MAP2K5: variants seen among roughly 807,000 people sequenced by gnomAD.
MAP2K5 encodes the protein mitogen-activated protein kinase kinase 5.
A neutral mutation model predicts 83.1 loss-of-function variants in MAP2K5; 49 were observed. The observed-to-expected ratio is 0.59, with a 90% CI of 0.47 to 0.75. The LOEUF is 0.75. Among genes scored for constraint, MAP2K5 ranks in the 30% least tolerant of loss-of-function variants. MAP2K5 has a pLI of 0.00. For missense variants in MAP2K5, 457 were observed against 557.5 expected (o/e 0.82, Z 1.82); for synonymous variants, 202 against 191.8 (o/e 1.05, Z -0.44).
chr15:67,608,051 C>T (rs959693166), intron 8 of MAP2K5, among the ~76,000 whole-genome samples: 1 of 152,102 alleles, frequency 6.6e-6, no homozygotes, highest in African/African-American at 2.4e-5. Context: ...ATTTTAGTAA[C>T]AATTTTTTAT....
rs188549132 is a variant in MAP2K5, at chr15:67,775,314, C to T, written c.1242+2562C>T. On this transcript the variant is annotated intron_variant, in intron 21 of 21. Coordinates refer to ENST00000178640, the MANE Select transcript of MAP2K5 (RefSeq NM_145160.3). The surrounding 1 kb of genome is among the most constrained non-coding windows in gnomAD (Gnocchi z 5.3). The stretch of plus-strand genomic sequence containing the variant: ...GTATGGTTGTTCTTATGATGGTTTT[C>T]GGTCTTTATATCCTAAGTGGAAGTA... 3.3e-5 allele frequency among the ~76,000 whole-genome samples: 5 copies of T among 152,272 alleles called. No homozygotes were observed. Among genetic ancestry groups the T allele is most frequent in the East Asian group, 1.9e-4 (1 of 5,192 alleles).
In MAP2K5 at chr15:67,752,784, A is replaced by G. The variant is rs187489414; in HGVS notation, c.1134+4183A>G. 3.2e-3 allele frequency among the ~76,000 whole-genome samples: 482 copies of G among 152,290 alleles called. 2 individuals carry two copies. Among genetic ancestry groups the G allele is most frequent in the African/African-American group, 0.011 (459 of 41,562 alleles). The stretch of plus-strand genomic sequence containing the variant: ...GGAAATACTCTCAAAATTGATCTAC[A>G]GATTCAATGTAATCATGTTAAAATC... On this transcript the variant is annotated intron_variant, in intron 19 of 21. Coordinates refer to ENST00000178640, the MANE Select transcript of MAP2K5 (RefSeq NM_145160.3).
rs552138001 is a variant in MAP2K5 at position 67,607,937 on chromosome 15, G to A, written c.545+7188G>A. 1.1e-3 allele frequency among the ~76,000 whole-genome samples: 164 copies of A among 152,238 alleles called. 1 individual carries two copies. Among genetic ancestry groups the A allele is most frequent in the Admixed American group, 1.8e-3 (27 of 15,284 alleles). ...AATTGAGTCTGGTAAAAATCAATAC[G>A]TTATGGTAATATTTCAAGTAAGAAT... On this transcript the variant is annotated intron_variant, in intron 8 of 21. Coordinates refer to ENST00000178640, the MANE Select transcript of MAP2K5 (RefSeq NM_145160.3).
intron 8 of MAP2K5, among the ~76,000 whole-genome samples, chr15:67,619,852 G>C (rs1159711609): frequency 6.6e-6 from 1 of 151,680 alleles, no homozygotes; most frequent in East Asian, 2.0e-4. Flanking sequence ...GATCATTTGA[G>C]GCCAGGAGTT....
chr15:67,742,398 G>A (rs2089514876), intron 17 of MAP2K5, among the ~76,000 whole-genome samples: 1 of 152,214 alleles, frequency 6.6e-6, no homozygotes, highest in African/African-American at 2.4e-5. Context: ...TGAAAGCTCC[G>A]GAAAAACCCT....
rs1409685420 is a variant in MAP2K5, at chr15:67,719,041, C to T, written c.1045-8875C>T. The stretch of plus-strand genomic sequence containing the variant: ...TTTTTGTACCCATTAATCATCCCCA[C>T]TCTTCTCCTTGCCAACTACCCTTCC... On this transcript the variant is annotated intron_variant, in intron 16 of 21. Coordinates refer to ENST00000178640, the MANE Select transcript of MAP2K5 (RefSeq NM_145160.3). This position sits in a 1 kb window ranked among gnomAD's most constrained non-coding sequence, Gnocchi z 4.6. Among the ~76,000 whole-genome samples, 1 of 152,168 alleles carries T rather than the reference C, an allele frequency of 6.6e-6. No individual in the cohort carries two copies. The highest frequency in any genetic ancestry group is 6.6e-5 in the Admixed American group (1 of 15,264).
intron 16 of MAP2K5, among the ~76,000 whole-genome samples, chr15:67,716,042 A>G (rs972071034): frequency 2.0e-5 from 3 of 152,190 alleles, no homozygotes; most frequent in Non-Finnish European, 4.4e-5. Context: ...CTCAGCAAAT[A>G]TTTTTTTGAG....
chr15:67,787,910 A>C (rs1012110808), intron 21 of MAP2K5, among the ~76,000 whole-genome samples: 1 of 152,242 alleles, frequency 6.6e-6, no homozygotes, highest in Non-Finnish European at 1.5e-5. Flanking sequence ...GGACAAATAA[A>C]ATCTAGCATT....
rs186794463 is a variant in MAP2K5, at chr15:67,802,537, A to G, written c.1243-4109A>G. 5.3e-4 allele frequency among the ~76,000 whole-genome samples: 80 copies of G among 152,312 alleles called. 2 individuals are homozygous for G. The highest frequency in any genetic ancestry group is 1.1e-3 in the Admixed American group (17 of 15,300). The stretch of plus-strand genomic sequence containing the variant: ...AACCCTCGTCAGTTTAATTGTTGCA[A>G]TTGGCCCTCAGAGAATCCAGGGAAT... On this transcript the variant is annotated intron_variant, in intron 21 of 21. Coordinates refer to ENST00000178640, the MANE Select transcript of MAP2K5 (RefSeq NM_145160.3). This position sits in a 1 kb window ranked among gnomAD's most constrained non-coding sequence, Gnocchi z 5.0.
rs201661333 is a variant in MAP2K5 at position 67,572,706 on chromosome 15, AT to A, written c.253-8037del. ...TGCAAGAATTGATATTATTATTATT[AT>A]TTTTTTTTTTGAGATGGAGTCTTGC... On this transcript the variant is annotated intron_variant, in intron 3 of 21. Transcript: ENST00000178640. The surrounding 1 kb of genome is among the most constrained non-coding windows in gnomAD (Gnocchi z 4.2). 0.14 allele frequency among the ~76,000 whole-genome samples: 18,228 copies of A among 128,464 alleles called. 1,199 individuals are homozygous for A. Among genetic ancestry groups the A allele is most frequent in the East Asian group, 0.3 (1,024 of 3,452 alleles). 84.3% of individuals were successfully genotyped at this position (128,464 alleles called of 152,430 possible).
chr15:67,563,394 T>G lies in MAP2K5; in HGVS notation c.252+44T>G. The stretch of plus-strand genomic sequence containing the variant: ...AAGACTATTTTTTAAAATCTTAACG[T>G]GATTGAGGATGCTGTTTCTTGGGCA... On this transcript the variant is annotated intron_variant, in intron 3 of 21. Transcript: ENST00000178640. This position sits in a 1 kb window ranked among gnomAD's most constrained non-coding sequence, Gnocchi z 4.5. The G allele has an allele frequency of 6.3e-7, 1 of 1,578,312 alleles. No homozygotes were observed. Among genetic ancestry groups the G allele is most frequent in the East Asian group, 2.3e-5 (1 of 44,050 alleles).
At chr15:67,721,189 TAAG>T (rs1165010730) in intron 16 of MAP2K5, among the ~76,000 whole-genome samples, 1 of 152,174 alleles carries the variant, frequency 6.6e-6, no homozygotes, top group African/African-American at 2.4e-5. Flanking sequence ...GCAGGTTTGT[TAAG>T]AAGTATTTAT....
intron 12 of MAP2K5, among the ~76,000 whole-genome samples, chr15:67,660,829 C>T (rs928759904): frequency 2.0e-5 from 3 of 150,838 alleles, no homozygotes; most frequent in Non-Finnish European, 4.4e-5. Context: ...CTGTCTGACA[C>T]CAGACCTCTT....
chr15:67,725,099 C>T (rs1360273221), intron 16 of MAP2K5, among the ~76,000 whole-genome samples: 2 of 152,180 alleles, frequency 1.3e-5, no homozygotes, highest in Non-Finnish European at 2.9e-5. Flanking sequence ...ATGATGAGTT[C>T]ACCAGTTCAA....
rs554291493 is a variant in MAP2K5, at chr15:67,676,622, C to G, written c.847+11977C>G. Among the ~76,000 whole-genome samples, 37 of 152,272 alleles carry G rather than the reference C, an allele frequency of 2.4e-4. No individual in the cohort carries two copies. The highest frequency in any genetic ancestry group is 4.9e-4 in the Non-Finnish European group (33 of 68,008). On this transcript the variant is annotated intron_variant, in intron 13 of 21. Transcript: ENST00000178640. The surrounding 1 kb of genome is among the most constrained non-coding windows in gnomAD (Gnocchi z 4.8). ...CAATCATAATGATAACAATATTAAT[C>G]ATTTTCCTAATATCATTTATTGAGT...
At chr15:67,730,336 T>C (rs2051335680) in intron 17 of MAP2K5, among the ~76,000 whole-genome samples, 1 of 152,224 alleles carries the variant, frequency 6.6e-6, no homozygotes, top group African/African-American at 2.4e-5. Flanking sequence ...TTTGAACTCC[T>C]ACCACTCTGT....
chr15:67,638,734 G>A lies in MAP2K5; in HGVS notation c.586-7497G>A, dbSNP rs1024720490. 6.6e-6 allele frequency among the ~76,000 whole-genome samples: 1 copy of A among 152,160 alleles called. No homozygotes were observed. Among genetic ancestry groups the A allele is most frequent in the Admixed American group, 6.5e-5 (1 of 15,268 alleles). The stretch of plus-strand genomic sequence containing the variant: ...TTTCTCCACAACCTTGCCAGCATCT[G>A]TTATTTTTTGACTTTTTAGTAATAG... On this transcript the variant is annotated intron_variant, in intron 9 of 21. Coordinates refer to ENST00000178640, the MANE Select transcript of MAP2K5 (RefSeq NM_145160.3). This position sits in a 1 kb window ranked among gnomAD's most constrained non-coding sequence, Gnocchi z 4.5.
At chr15:67,766,800 A>G (rs2090049871) in intron 19 of MAP2K5, among the ~76,000 whole-genome samples, 1 of 152,236 alleles carries the variant, frequency 6.6e-6, no homozygotes, top group Non-Finnish European at 1.5e-5. Context: ...GAGTGTTAAC[A>G]GCTTGCATAC....
chr15:67,654,546 G>A (rs541752057), intron 11 of MAP2K5, among the ~76,000 whole-genome samples: 3 of 152,184 alleles, frequency 2.0e-5, no homozygotes, highest in East Asian at 1.9e-4. Context: ...AAGGTGAGAT[G>A]TATCTATCCC....
Sources: gnomAD v4.1 joint callset for allele counts (sites outside exome capture counted in the v4.1 genomes callset) on GRCh38, gnomAD v4.1.1 for gene constraint, Gnocchi (gnomAD v3.1) non-coding constraint, MANE v1.5 for transcripts, NCBI Gene and HGNC (gene_info 2026-07-23, HGNC 2026-07-21) for gene names.